The following TVP23A variants were observed in gnomAD, a reference collection of about 807,000 sequenced individuals.
TVP23A encodes the protein Golgi apparatus membrane protein TVP23 homolog A.
TVP23A carries 21 observed loss-of-function variants against 31.7 expected under a neutral mutation model. The ratio of observed to expected loss-of-function variants is 0.66; its 90% CI spans 0.47 to 0.95. The LOEUF (loss-of-function observed/expected upper bound fraction) is 0.95, where lower values mean the gene tolerates loss of function less well. TVP23A is among the 40% of genes least tolerant of loss of function. TVP23A has a pLI of 0.00. For synonymous variants in TVP23A, 104 were observed against 96.0 expected, an observed-to-expected ratio of 1.08 and a Z score of -0.49; for missense variants, 279 against 255.6, an observed-to-expected ratio of 1.09 and a Z score of -0.62.
rs1291973084 is a variant in TVP23A, at chr16:10,777,069, C to G, written c.90-1973G>C. Among the ~76,000 whole-genome samples, 2 of 152,166 alleles carry G rather than the reference C, an allele frequency of 1.3e-5. No homozygotes were observed. The highest frequency in any genetic ancestry group is 2.9e-5 in the Non-Finnish European group (2 of 68,022). On this transcript the variant is annotated intron_variant, in intron 2 of 7. Coordinates refer to ENST00000299866, the MANE Select transcript of TVP23A (RefSeq NM_001079512.4). This position sits in a 1 kb window ranked among gnomAD's most constrained non-coding sequence, Gnocchi z 4.5. ...CGTCCAGGAATGCAGCCCAGTAGGT[C>G]TCAGCCTCGTTTTACCCAGCCCCTA...
downstream of TVP23A, chr16:10,761,725 T>G: frequency 6.4e-7 from 1 of 1,563,092 alleles, no homozygotes; most frequent in Non-Finnish European, 8.8e-7. Flanking sequence ...GCAAAAAAAT[T>G]ATGTTTCCTC....
chr16:10,761,933 G>A (rs1034399271), downstream of TVP23A: 39 of 1,186,092 alleles, frequency 3.3e-5, no homozygotes, highest in Non-Finnish European at 4.7e-5. Context: ...CACAACAGGG[G>A]GCGGCTACAG....
Position 10,768,699 on chromosome 16 carries a change from A to G in TVP23A, c.*403T>C. 1 of 228,564 alleles carries G rather than the reference A, an allele frequency of 4.4e-6. No individual in the cohort carries two copies. The highest frequency in any genetic ancestry group is 8.4e-6 in the Non-Finnish European group (1 of 119,186). The allele number at this position is 228,564 out of a possible 1,614,324, so 14.2% of individuals were successfully genotyped here. A position where few individuals can be genotyped will look rare whatever the true frequency, so the allele number is the denominator to read the frequency against. ...GCCAGTGGCAGCCATCAGAGGCCCC[A>G]GAGTTAGGGCAGAGGTGTCAGTGTT... On this transcript the variant is annotated 3_prime_UTR_variant, in exon 8 of 8. Coordinates refer to ENST00000299866, the MANE Select transcript of TVP23A (RefSeq NM_001079512.4). The surrounding 1 kb of genome is among the most constrained non-coding windows in gnomAD (Gnocchi z 4.3).
chr16:10,770,888 A>G (rs1261206904), intron 6 of TVP23A, among the ~76,000 whole-genome samples: 1 of 150,202 alleles, frequency 6.7e-6, no homozygotes, highest in East Asian at 1.9e-4. Flanking sequence ...AAAAAAAAAA[A>G]AAAAAAAATT....
In TVP23A at chr16:10,779,222, A is replaced by G. The variant is rs537839658; in HGVS notation, c.90-4126T>C. On this transcript the variant is annotated intron_variant, in intron 2 of 7. Coordinates refer to ENST00000299866, the MANE Select transcript of TVP23A (RefSeq NM_001079512.4). The surrounding 1 kb of genome is among the most constrained non-coding windows in gnomAD (Gnocchi z 4.9). ...CAAAGCCCAAAGCAAGTAGAAGAGGACGCCTGTTGCCCTTTTAAATGTTGC... is the reference window on the plus strand; with the variant it reads ...CAAAGCCCAAAGCAAGTAGAAGAGGGCGCCTGTTGCCCTTTTAAATGTTGC... Among the ~76,000 whole-genome samples the G allele has an allele frequency of 9.2e-5, 14 of 152,170 alleles. No homozygotes were observed. Among genetic ancestry groups the G allele is most frequent in the Non-Finnish European group, 1.6e-4 (11 of 68,028 alleles).
chr16:10,813,583 C>T (rs1458806770), intron 2 of TVP23A, among the ~76,000 whole-genome samples: 1 of 152,130 alleles, frequency 6.6e-6, no homozygotes, highest in Non-Finnish European at 1.5e-5. Flanking sequence ...GTCTCATAAA[C>T]AAACAAATAA....
chr16:10,806,334 G>C (rs1969537), intron 2 of TVP23A, among the ~76,000 whole-genome samples: 152,139 of 152,222 alleles, frequency 1, 76,028 homozygotes, highest in Middle Eastern at 1. Flanking sequence ...CAGAGCAAGA[G>C]TCTGTCTCAA....
At position 10,818,644 on chromosome 16, in the gene TVP23A, C is replaced by A. The variant is rs1003201901; in HGVS notation, c.-151G>T. 15 of 1,000,390 alleles carry A rather than the reference C, an allele frequency of 1.5e-5. No individual in the cohort carries two copies. The East Asian group carries it at 1.9e-4, about 13-fold the overall frequency. 62.0% of individuals were successfully genotyped at this position (1,000,390 alleles called of 1,614,324 possible). A position where few individuals can be genotyped will look rare whatever the true frequency, so the allele number is the denominator to read the frequency against. ...TGCGCCCTGTGGGGCAGCCTCAGCGCAGCTTCTCGGGTGGGGCGGGGCGCT... is the reference window on the plus strand; with the variant it reads ...TGCGCCCTGTGGGGCAGCCTCAGCGAAGCTTCTCGGGTGGGGCGGGGCGCT... On this transcript the variant is annotated 5_prime_UTR_variant, in exon 1 of 8. Coordinates refer to ENST00000299866, the MANE Select transcript of TVP23A (RefSeq NM_001079512.4). The surrounding 1 kb of genome is among the most constrained non-coding windows in gnomAD (Gnocchi z 4.7).
At chr16:10,809,587 G>C (rs1052262290) in intron 2 of TVP23A, among the ~76,000 whole-genome samples, 1 of 152,238 alleles carries the variant, frequency 6.6e-6, no homozygotes, top group Non-Finnish European at 1.5e-5. Context: ...GCAGGGGCTA[G>C]ATCTCCCAAT....
chr16:10,790,161 G>A (rs1001176671), intron 2 of TVP23A, among the ~76,000 whole-genome samples: 2 of 151,868 alleles, frequency 1.3e-5, no homozygotes, highest in Non-Finnish European at 2.9e-5. Flanking sequence ...GGGAGGGCCT[G>A]GAAGAAAAAA....
chr16:10,816,736 G>C (rs2034456116), intron 2 of TVP23A, among the ~76,000 whole-genome samples: 1 of 152,038 alleles, frequency 6.6e-6, no homozygotes, highest in Admixed American at 6.6e-5. Flanking sequence ...CACGGGGGAA[G>C]TGGGGAGGGA....
intron 2 of TVP23A, 68 bp from the exon 3 acceptor site, chr16:10,775,164 C>T: frequency 6.5e-7 from 1 of 1,538,414 alleles, no homozygotes; most frequent in Non-Finnish European, 8.8e-7. Context: ...CTCCCTTTAC[C>T]ACTTCAGACT....
At chr16:10,761,753 GC>G, downstream of TVP23A, 4 of 1,610,410 alleles carry the variant, frequency 2.5e-6, no homozygotes, top group Non-Finnish European at 3.4e-6. Flanking sequence ...AATTTGCCTT[GC>G]AGAAAGAATC....
At position 10,775,328 on chromosome 16, in the gene TVP23A, G is replaced by A. The variant is rs543804805; in HGVS notation, c.90-232C>T. 10 of 1,350,798 alleles carry A rather than the reference G, an allele frequency of 7.4e-6. No individual in the cohort carries two copies. In the African/African-American group the frequency reaches 1.3e-4, roughly 18 times the overall value. 83.7% of individuals were successfully genotyped at this position (1,350,798 alleles called of 1,614,324 possible). ...TTTTTCCTCCCCTTCGAAGAATCCAGTACTTTCCCGCCACTTGACTCCAAA... is the reference window on the plus strand; with the variant it reads ...TTTTTCCTCCCCTTCGAAGAATCCAATACTTTCCCGCCACTTGACTCCAAA... On this transcript the variant is annotated intron_variant, in intron 2 of 7. Coordinates refer to ENST00000299866, the MANE Select transcript of TVP23A (RefSeq NM_001079512.4).
intron 2 of TVP23A, among the ~76,000 whole-genome samples, chr16:10,799,097 G>A (rs551615304): frequency 2.6e-5 from 4 of 152,194 alleles, no homozygotes; most frequent in South Asian, 2.1e-4. Flanking sequence ...ATGGGAGGAC[G>A]CCATCTTGGA....
chr16:10,812,505 C>T (rs1323098609), intron 2 of TVP23A, among the ~76,000 whole-genome samples: 2 of 152,152 alleles, frequency 1.3e-5, no homozygotes, highest in African/African-American at 4.8e-5. Context: ...TACAAGTGTA[C>T]CCAAGTGGAT....
At chr16:10,805,404 T>C (rs148726862) in intron 2 of TVP23A, among the ~76,000 whole-genome samples, 1 of 152,112 alleles carries the variant, frequency 6.6e-6, no homozygotes, top group African/African-American at 2.4e-5. Context: ...GACAAGAGCA[T>C]ACCGGAGGCT....
chr16:10,775,326 C>G, intron 2 of TVP23A: 5 of 1,357,978 alleles, frequency 3.7e-6, no homozygotes, highest in Non-Finnish European at 4.7e-6. Flanking sequence ...TCGAAGAATC[C>G]AGTACTTTCC....
chr16:10,818,486 T>C lies in TVP23A; in HGVS notation c.8A>G (p.Gln3Arg). MK[Q>R]ALVDDTEDVS... is the part of the protein sequence containing the mutation. Reference sequence around the variant, plus strand: ...GCCCCAGCATCCCCGAGGCCCTACCTGCTTCATCACCCTCCCAGGAGCCCA... The same window carrying C: ...GCCCCAGCATCCCCGAGGCCCTACCCGCTTCATCACCCTCCCAGGAGCCCA... Residue 3 changes from glutamine (Q) to arginine (R), a missense_variant and splice_region_variant, in exon 1 of 8, where the codon CAG becomes CGG. Physicochemically the swap from Gln to Arg is conservative, Grantham distance 43. Coordinates refer to ENST00000299866, the MANE Select transcript of TVP23A (RefSeq NM_001079512.4). This position sits in a 1 kb window ranked among gnomAD's most constrained non-coding sequence, Gnocchi z 4.7. 6.2e-7 allele frequency: 1 copy of C among 1,605,018 alleles called. No homozygotes were observed. The highest frequency in any genetic ancestry group is 2.2e-5 in the East Asian group (1 of 44,770).
Sources: allele counts gnomAD v4.1 joint callset (sites outside exome capture counted in the v4.1 genomes callset), GRCh38; gene constraint gnomAD v4.1.1; non-coding constraint Gnocchi (gnomAD v3.1); transcripts MANE v1.5; gene names NCBI Gene and HGNC (gene_info 2026-07-23, HGNC 2026-07-21).